The following TMEM132C variants were observed in gnomAD, a reference collection of about 807,000 sequenced individuals.
TMEM132C encodes the protein protein phosphatase 1, regulatory subunit 152.
A neutral mutation model predicts 61.4 loss-of-function variants in TMEM132C; 29 were observed. That is an observed-to-expected ratio of 0.47 (90% confidence interval 0.35 to 0.64). The LOEUF (loss-of-function observed/expected upper bound fraction) is 0.64. Among genes scored for constraint, TMEM132C ranks in the 30% least tolerant of loss-of-function variants. TMEM132C has a pLI of 0.00. For missense variants in TMEM132C, 1,408 were observed against 1,476.9 expected, an observed-to-expected ratio of 0.95 and a Z score of 0.76; for synonymous variants, 656 against 633.1, an observed-to-expected ratio of 1.04 and a Z score of -0.54.
intron 2 of TMEM132C, among the ~76,000 whole-genome samples, chr12:128,483,472 C>T (rs1014326141): frequency 6.6e-6 from 1 of 152,028 alleles, no homozygotes; most frequent in Non-Finnish European, 1.5e-5. Flanking sequence ...AGCACACCAC[C>T]TGGTTTTCTG....
intron 3 of TMEM132C, among the ~76,000 whole-genome samples, chr12:128,564,110 G>A (rs1874616455): frequency 6.6e-6 from 1 of 152,188 alleles, no homozygotes; most frequent in Non-Finnish European, 1.5e-5. Flanking sequence ...CTGTCTCCTT[G>A]CGCCTCACAT....
At chr12:128,458,089 ATCTG>A (rs199528509) in intron 2 of TMEM132C, among the ~76,000 whole-genome samples, 2,750 of 151,966 alleles carry the variant, frequency 0.018, 42 homozygotes, top group South Asian at 0.035. Flanking sequence ...TTTTAAAAAT[ATCTG>A]TCGTACACAA....
chr12:128,407,698 GC>G (rs1875395398), intron 1 of TMEM132C, among the ~76,000 whole-genome samples: 1 of 152,130 alleles, frequency 6.6e-6, no homozygotes, highest in Non-Finnish European at 1.5e-5. Flanking sequence ...AATGTGCAAG[GC>G]CCCTTGAGAC....
intron 2 of TMEM132C, among the ~76,000 whole-genome samples, chr12:128,474,226 A>G (rs1390516177): frequency 6.6e-6 from 1 of 152,194 alleles, no homozygotes; most frequent in Non-Finnish European, 1.5e-5. Context: ...TGCATTTTTA[A>G]GAAATCCCTG....
In TMEM132C at chr12:128,705,702, G is replaced by A. The variant is rs1215018097; in HGVS notation, c.2734G>A (p.Asp912Asn). Reference sequence around the variant, plus strand: ...GGCCGGGAGTGGGCTGGAGGAAAACGACCTGGTGCAGACTCCGCGGGGCCT... The same window carrying A: ...GGCCGGGAGTGGGCTGGAGGAAAACAACCTGGTGCAGACTCCGCGGGGCCT... ...PKAGSGLEEN[D>N]LVQTPRGLSD... The change falls in exon 9 of 9, where the codon GAC (aspartate) becomes AAC (asparagine). Residue 912 changes from aspartate to asparagine, a missense_variant. By Grantham distance (23) the Asp-to-Asn change is conservative. Transcript: ENST00000435159. 7 of 1,551,316 alleles carry A rather than the reference G, an allele frequency of 4.5e-6. No homozygotes were observed. The highest frequency in any genetic ancestry group is 2.7e-5 in the African/African-American group (2 of 73,040).
chr12:128,642,015 G>A (rs2135600126), intron 4 of TMEM132C, among the ~76,000 whole-genome samples: 1 of 149,344 alleles, frequency 6.7e-6, no homozygotes, highest in Middle Eastern at 3.5e-3. Context: ...CACCATGTTG[G>A]TCAGGCTGAT....
chr12:128,510,107 T>C (rs1182290330), intron 2 of TMEM132C, among the ~76,000 whole-genome samples: 1 of 152,176 alleles, frequency 6.6e-6, no homozygotes, highest in East Asian at 1.9e-4. Context: ...ACATACAAAG[T>C]CAATCCCAAC....
At chr12:128,580,295 C>T (rs1047499987) in intron 3 of TMEM132C, among the ~76,000 whole-genome samples, 1 of 151,974 alleles carries the variant, frequency 6.6e-6, no homozygotes, top group Non-Finnish European at 1.5e-5. Flanking sequence ...GTGGCGGGCG[C>T]CTGTAGTCCC....
At chr12:128,611,928 C>T (rs924985124) in intron 3 of TMEM132C, among the ~76,000 whole-genome samples, 2 of 152,116 alleles carry the variant, frequency 1.3e-5, no homozygotes, top group Non-Finnish European at 2.9e-5. Flanking sequence ...CTCATCTCCA[C>T]GAAAGGGTCA....
At position 128,631,699 on chromosome 12, in the gene TMEM132C, A is replaced by T. The variant is rs143658645; in HGVS notation, c.1305+15364A>T. On this transcript the variant is annotated intron_variant, in intron 4 of 8. Transcript: ENST00000435159. Reference sequence around the variant, plus strand: ...GGCACAGTTGGTTCCAGGTGCCTGAACATTTTTAGCCTAGCCATTTGTCTC... The same window carrying T: ...GGCACAGTTGGTTCCAGGTGCCTGATCATTTTTAGCCTAGCCATTTGTCTC... 9.7e-3 allele frequency among the ~76,000 whole-genome samples: 1,472 copies of T among 152,314 alleles called. 13 individuals carry two copies. The highest frequency in any genetic ancestry group is 0.031 in the Middle Eastern group (9 of 294).
At chr12:128,544,331 G>A (rs1873876066) in intron 3 of TMEM132C, among the ~76,000 whole-genome samples, 1 of 152,258 alleles carries the variant, frequency 6.6e-6, no homozygotes, top group Non-Finnish European at 1.5e-5. Context: ...CTTTGGAGCC[G>A]GGTGAGCTCA....
intron 1 of TMEM132C, among the ~76,000 whole-genome samples, chr12:128,271,727 C>G (rs1048669578): frequency 1.3e-5 from 2 of 152,204 alleles, no homozygotes; most frequent in Admixed American, 6.5e-5. Context: ...TTGCTTCAAC[C>G]TCTTCTTCGT....
chr12:128,694,047 T>C lies in TMEM132C; in HGVS notation c.1655+13T>C. ...TGACCAATAAGAGGTGAGCCTCGGA[T>C]GGGGAGATGCCCTAGAGCCAAAACA... On this transcript the variant is annotated intron_variant, in intron 6 of 8. Transcript: ENST00000435159. 6.4e-7 allele frequency: 1 copy of C among 1,551,216 alleles called. No homozygotes were observed. Among genetic ancestry groups the C allele is most frequent in the South Asian group, 1.2e-5 (1 of 84,040 alleles).
At chr12:128,396,386 G>C (rs940017529) in intron 1 of TMEM132C, among the ~76,000 whole-genome samples, 2 of 61,562 alleles carry the variant, frequency 3.2e-5, no homozygotes, top group African/African-American at 2.6e-4. Flanking sequence ...GGCCTGTCGT[G>C]GGGGTGAGGG....
chr12:128,362,288 G>C (rs1417798158), intron 1 of TMEM132C, among the ~76,000 whole-genome samples: 1 of 152,044 alleles, frequency 6.6e-6, no homozygotes, highest in Non-Finnish European at 1.5e-5. Flanking sequence ...TGGGCTGCAG[G>C]GGGACGGGTG....
intron 2 of TMEM132C, among the ~76,000 whole-genome samples, chr12:128,528,993 A>G (rs907398764): frequency 6.6e-6 from 1 of 152,214 alleles, no homozygotes; most frequent in Non-Finnish European, 1.5e-5. Context: ...GGCCCTTTCC[A>G]GAATGGTGCA....
intron 2 of TMEM132C, among the ~76,000 whole-genome samples, chr12:128,507,712 A>C (rs1229643385): frequency 2.6e-5 from 4 of 152,184 alleles, no homozygotes; most frequent in Non-Finnish European, 5.9e-5. Flanking sequence ...ACCACTCTTC[A>C]CTGACAAATT....
Position 128,326,157 on chromosome 12 carries a change from TG to T in TMEM132C, c.85+58671del, listed in dbSNP as rs753838092. ...ATAAATACCATTTGTCACATTTTAT[TG>T]TTTTTATGAGGGTGAGGGAACTGTA... On this transcript the variant is annotated intron_variant, in intron 1 of 8. Coordinates refer to ENST00000435159, the MANE Select transcript of TMEM132C (RefSeq NM_001136103.3). This position sits in a 1 kb window ranked among gnomAD's most constrained non-coding sequence, Gnocchi z 5.6. 2.0e-5 allele frequency among the ~76,000 whole-genome samples: 3 copies of T among 152,152 alleles called. No individual in the cohort carries two copies. The highest frequency in any genetic ancestry group is 4.4e-5 in the Non-Finnish European group (3 of 68,038).
At chr12:128,575,372 G>A (rs1331460288) in intron 3 of TMEM132C, among the ~76,000 whole-genome samples, 1 of 152,180 alleles carries the variant, frequency 6.6e-6, no homozygotes, top group Admixed American at 6.5e-5. Flanking sequence ...CCAGCTACTG[G>A]GGAGACTGAG....
Sources: allele counts gnomAD v4.1 joint callset (sites outside exome capture counted in the v4.1 genomes callset), GRCh38; gene constraint gnomAD v4.1.1; non-coding constraint Gnocchi (gnomAD v3.1); transcripts MANE v1.5; gene names NCBI Gene and HGNC (gene_info 2026-07-23, HGNC 2026-07-21).